The following AGBL1 variants were observed in gnomAD, a reference collection of about 807,000 sequenced individuals.
AGBL1 encodes AGBL carboxypeptidase 1, also known as cytosolic carboxypeptidase 4.
AGBL1 carries 130 observed loss-of-function variants against 118.9 expected under a neutral mutation model. That is an observed-to-expected ratio of 1.09 (90% CI 0.95 to 1.26). AGBL1 has a LOEUF of 1.26. Among genes scored for constraint, AGBL1 ranks in the 50% most tolerant of loss-of-function variants. The probability of loss-of-function intolerance (pLI) is 0.00; values close to 1 mark genes in which losing one functional copy is unlikely to be tolerated. For missense variants in AGBL1, 1,584 were observed against 1,298.1 expected (o/e 1.22, Z -3.38); for synonymous variants, 555 against 478.9 (o/e 1.16, Z -2.08).
At chr15:86,591,682 G>A (rs2084337736) in intron 21 of AGBL1, among the ~76,000 whole-genome samples, 1 of 152,186 alleles carries the variant, frequency 6.6e-6, no homozygotes, top group Non-Finnish European at 1.5e-5. Flanking sequence ...GGAACCTCCA[G>A]ATGTTCAGCT....
At chr15:86,102,086 G>T (rs1399904285) in intron 1 of AGBL1, among the ~76,000 whole-genome samples, 1 of 150,572 alleles carries the variant, frequency 6.6e-6, no homozygotes, top group Non-Finnish European at 1.5e-5. Flanking sequence ...TCTTGCCCAG[G>T]CTGGAGTGCA....
chr15:86,461,957 A>G (rs922232677), intron 18 of AGBL1, among the ~76,000 whole-genome samples: 2 of 152,192 alleles, frequency 1.3e-5, no homozygotes, highest in African/African-American at 2.4e-5. Flanking sequence ...ATCTTACCAT[A>G]CAACCCCTCC....
intron 18 of AGBL1, among the ~76,000 whole-genome samples, chr15:86,430,813 C>T (rs760135427): frequency 2.0e-5 from 3 of 152,112 alleles, no homozygotes; most frequent in Non-Finnish European, 4.4e-5. Flanking sequence ...GGTTGTATTA[C>T]GTATAACTTT....
chr15:86,746,585 C>T (rs545298963), intron 22 of AGBL1, among the ~76,000 whole-genome samples: 1 of 152,080 alleles, frequency 6.6e-6, no homozygotes, highest in South Asian at 2.1e-4. Context: ...CCATGTTTGT[C>T]TGATTTACAT....
chr15:86,434,339 C>G (rs949261598), intron 18 of AGBL1, among the ~76,000 whole-genome samples: 12 of 152,138 alleles, frequency 7.9e-5, no homozygotes. Flanking sequence ...AATGTCTGAC[C>G]TTGCTCTTCA....
rs991728543 is a variant in AGBL1 at position 86,191,279 on chromosome 15, C to T, written c.488+32253C>T. 5.5e-5 allele frequency among the ~76,000 whole-genome samples: 7 copies of T among 127,562 alleles called. No homozygotes were observed. In the South Asian group the frequency reaches 1.3e-3, roughly 24 times the overall value. The allele number at this position is 127,562 out of a possible 152,430, so 83.7% of individuals were successfully genotyped here. ...AGGAGAATCACTTGAACCTGGGAGG[C>T]GGAGGTTGTGGTGAGCCAAGATTGC... is the stretch of plus-strand genomic sequence containing the variant. On this transcript the variant is annotated intron_variant, in intron 5 of 22. Transcript: ENST00000614907.
intron 22 of AGBL1, among the ~76,000 whole-genome samples, chr15:86,882,265 A>G (rs1401815021): frequency 2.6e-5 from 4 of 152,206 alleles, no homozygotes; most frequent in African/African-American, 9.6e-5. Context: ...GTGGTATCCA[A>G]AATCTCACGT....
At chr15:86,493,852 G>T (rs949969226) in intron 18 of AGBL1, among the ~76,000 whole-genome samples, 3 of 151,808 alleles carry the variant, frequency 2.0e-5, no homozygotes, top group Non-Finnish European at 4.4e-5. Flanking sequence ...ACATCCCCTT[G>T]CCCACTTCCC....
chr15:86,960,022 G>A (rs188238416), intron 23 of AGBL1, among the ~76,000 whole-genome samples: 6 of 152,172 alleles, frequency 3.9e-5, no homozygotes, highest in East Asian at 1.9e-4. Flanking sequence ...AATGTGCAGC[G>A]CATAATATTT....
chr15:86,617,160 TA>T (rs2084740319), intron 21 of AGBL1, among the ~76,000 whole-genome samples: 1 of 152,212 alleles, frequency 6.6e-6, no homozygotes, highest in Non-Finnish European at 1.5e-5. Flanking sequence ...AATTGCATTC[TA>T]TAAAGGGTCC....
At chr15:86,827,937 G>GTTTTTTTTTTTTTTTTTT (rs71460225) in intron 22 of AGBL1, among the ~76,000 whole-genome samples, 1 of 7,802 alleles carries the variant, frequency 1.3e-4, no homozygotes, top group Non-Finnish European at 2.2e-4. Flanking sequence ...TTGATGTAGG[G>GTTTTTTTTTTTTTTTTTT]CTTTTTTTTT....
At chr15:86,607,909 A>T (rs2084600293) in intron 21 of AGBL1, among the ~76,000 whole-genome samples, 1 of 152,162 alleles carries the variant, frequency 6.6e-6, no homozygotes, top group Non-Finnish European at 1.5e-5. Context: ...GCATGGACAT[A>T]TTGTCAAAGG....
At chr15:86,803,567 A>C (rs2078678638) in intron 22 of AGBL1, among the ~76,000 whole-genome samples, 1 of 152,146 alleles carries the variant, frequency 6.6e-6, no homozygotes, top group Admixed American at 6.6e-5. Flanking sequence ...CTGGCATCTC[A>C]TGAGTGATCC....
At chr15:86,180,422 G>T (rs953068975) in intron 5 of AGBL1, among the ~76,000 whole-genome samples, 3 of 152,084 alleles carry the variant, frequency 2.0e-5, no homozygotes, top group African/African-American at 7.2e-5. Context: ...AAATTTCACG[G>T]AGGAATAATA....
intron 22 of AGBL1, among the ~76,000 whole-genome samples, chr15:86,792,454 A>G (rs1239588316): frequency 6.6e-6 from 1 of 152,224 alleles, no homozygotes; most frequent in Non-Finnish European, 1.5e-5. Context: ...TGGTCTGTTT[A>G]GCATGGAAGT....
chr15:86,260,267 C>T (rs2078962045), intron 9 of AGBL1, among the ~76,000 whole-genome samples: 1 of 152,226 alleles, frequency 6.6e-6, no homozygotes, highest in Non-Finnish European at 1.5e-5. Context: ...AGCACTGATC[C>T]AGGCCTTTAA....
At chr15:86,633,062 T>TA in intron 21 of AGBL1, among the ~76,000 whole-genome samples, 1 of 151,378 alleles carries the variant, frequency 6.6e-6, no homozygotes, top group Non-Finnish European at 1.5e-5. Flanking sequence ...ATATGATAAA[T>TA]AAAAATAAAT....
At chr15:86,580,759 G>C (rs1005498481) in intron 21 of AGBL1, among the ~76,000 whole-genome samples, 1 of 151,942 alleles carries the variant, frequency 6.6e-6, no homozygotes, top group Non-Finnish European at 1.5e-5. Context: ...AGAAATTTTT[G>C]TTAACTATAT....
At chr15:86,313,807 G>A (rs1249455888) in intron 17 of AGBL1, among the ~76,000 whole-genome samples, 4 of 152,236 alleles carry the variant, frequency 2.6e-5, no homozygotes, top group Non-Finnish European at 5.9e-5. Flanking sequence ...AGATAAAGCT[G>A]ATGGGGTTTT....
Sources: gnomAD v4.1 joint callset for allele counts (sites outside exome capture counted in the v4.1 genomes callset) on GRCh38, gnomAD v4.1.1 for gene constraint, MANE v1.5 for transcripts, NCBI Gene and HGNC (gene_info 2026-07-23, HGNC 2026-07-21) for gene names.